SIPA1L3: variants seen among roughly 807,000 people sequenced by gnomAD.
SIPA1L3 encodes signal-induced proliferation-associated 1-like protein 3.
In SIPA1L3, 59 loss-of-function variants were observed where a neutral mutation model predicts 150.1. The observed-to-expected ratio is 0.39, with a 90% CI of 0.32 to 0.49. SIPA1L3 has a LOEUF of 0.49. Ranked by LOEUF, SIPA1L3 falls within the 20% of genes least tolerant of loss-of-function variation. The pLI is 0.86. For synonymous variants in SIPA1L3, 1,070 were observed against 1,077.6 expected (o/e 0.99, Z 0.14); for missense variants, 2,211 against 2,489.5 (o/e 0.89, Z 2.38).
At chr19:37,956,410 A>T (rs705500) in intron 1 of SIPA1L3, among the ~76,000 whole-genome samples, 42,998 of 150,938 alleles carry the variant, frequency 0.28, 7,281 homozygotes, top group East Asian at 0.62. Flanking sequence ...CACTCATCAG[A>T]TATGTAGTTT....
At chr19:37,975,000 A>G (rs1967041453) in intron 1 of SIPA1L3, among the ~76,000 whole-genome samples, 1 of 152,024 alleles carries the variant, frequency 6.6e-6, no homozygotes, top group Non-Finnish European at 1.5e-5. Context: ...ACATGGTGAA[A>G]CCCCACCTCT....
At chr19:38,174,202 G>A (rs976271839) in intron 15 of SIPA1L3, among the ~76,000 whole-genome samples, 2 of 152,136 alleles carry the variant, frequency 1.3e-5, no homozygotes, top group Non-Finnish European at 2.9e-5. Flanking sequence ...TGAATCTCTT[G>A]CCTAGACCCT....
intron 1 of SIPA1L3, among the ~76,000 whole-genome samples, chr19:37,929,353 G>C (rs1406322721): frequency 6.6e-6 from 1 of 152,216 alleles, no homozygotes; most frequent in Non-Finnish European, 1.5e-5. Context: ...GAAATAAGTG[G>C]AACACAGGGA....
chr19:38,169,271 C>G (rs1028094146), intron 15 of SIPA1L3, among the ~76,000 whole-genome samples: 1 of 152,078 alleles, frequency 6.6e-6, no homozygotes. Context: ...CGCCTGTGGT[C>G]CCAGCTATTC....
chr19:38,075,102 T>C (rs1173173076), intron 2 of SIPA1L3, among the ~76,000 whole-genome samples: 1 of 152,258 alleles, frequency 6.6e-6, no homozygotes, highest in African/African-American at 2.4e-5. Flanking sequence ...GGGTTGGAAC[T>C]GCGTGGATCT....
At chr19:38,159,749 T>C (rs1321015515) in intron 13 of SIPA1L3, among the ~76,000 whole-genome samples, 3 of 152,238 alleles carry the variant, frequency 2.0e-5, no homozygotes, top group African/African-American at 7.2e-5. Context: ...ATGCTCCTGA[T>C]ACCCACTTCA....
At chr19:37,917,546 GAGAGGTCACTTGCTCAAAGTTGGGA>G (rs2046423584) in intron 1 of SIPA1L3, among the ~76,000 whole-genome samples, 1 of 152,210 alleles carries the variant, frequency 6.6e-6, no homozygotes, top group African/African-American at 2.4e-5. Flanking sequence ...ATAAGGCAAT[GAGAGGTCACTTGCTCAAAGTTGGGA>G]AGTGGCAGAG....
intron 4 of SIPA1L3, among the ~76,000 whole-genome samples, chr19:38,094,443 A>G (rs1306979698): frequency 6.6e-6 from 1 of 152,076 alleles, no homozygotes; most frequent in Non-Finnish European, 1.5e-5. Context: ...TAGAGACAGA[A>G]TCTCACTATG....
chr19:38,032,390 G>A (rs183111284), intron 2 of SIPA1L3, among the ~76,000 whole-genome samples: 109 of 152,220 alleles, frequency 7.2e-4, no homozygotes, highest in African/African-American at 2.4e-3. Context: ...AACAGGTTTC[G>A]TTTGTTCATT....
intron 2 of SIPA1L3, among the ~76,000 whole-genome samples, chr19:38,065,521 T>A (rs1969553257): frequency 6.6e-6 from 1 of 151,670 alleles, no homozygotes; most frequent in South Asian, 2.1e-4. Flanking sequence ...GTTCAAGCAA[T>A]TCCTCCTGTC....
At chr19:38,128,515 G>A (rs1014162595) in intron 9 of SIPA1L3, among the ~76,000 whole-genome samples, 4 of 152,190 alleles carry the variant, frequency 2.6e-5, no homozygotes, top group Non-Finnish European at 5.9e-5. Flanking sequence ...CTGTGGGCAT[G>A]TGTGTAAAAC....
At chr19:38,150,054 G>A (rs1971783708) in intron 12 of SIPA1L3, among the ~76,000 whole-genome samples, 1 of 152,248 alleles carries the variant, frequency 6.6e-6, no homozygotes, top group South Asian at 2.1e-4. Flanking sequence ...AGCCAGGTGT[G>A]AAGTCAGCTA....
intron 1 of SIPA1L3, among the ~76,000 whole-genome samples, chr19:37,943,063 A>G (rs2046676968): frequency 1.8e-5 from 2 of 113,454 alleles, no homozygotes; most frequent in Admixed American, 2.4e-4. Context: ...TTGTAGAGAC[A>G]GGGTCTTGCT....
chr19:38,182,510 G>T lies in SIPA1L3; in HGVS notation c.4209-9G>T. ...GGTTTTTTTTATCTCTTTCATTTTT[G>T]CTTTGCAGTGACATGGGCTCGAGGG... On this transcript the variant is annotated splice_polypyrimidine_tract_variant and intron_variant, in intron 15 of 21. Coordinates refer to ENST00000222345, the MANE Select transcript of SIPA1L3 (RefSeq NM_015073.3). 1.9e-6 allele frequency: 3 copies of T among 1,576,856 alleles called. No individual in the cohort carries two copies. Among genetic ancestry groups the T allele is most frequent in the Admixed American group, 1.8e-5 (1 of 54,120 alleles).
At chr19:37,915,777 C>T (rs1048046029) in intron 1 of SIPA1L3, among the ~76,000 whole-genome samples, 1 of 152,180 alleles carries the variant, frequency 6.6e-6, no homozygotes, top group South Asian at 2.1e-4. Flanking sequence ...TGTAAGGGCC[C>T]CAGGTCCCTG....
At chr19:38,153,885 G>C (rs1463026600) in intron 13 of SIPA1L3, among the ~76,000 whole-genome samples, 2 of 150,590 alleles carry the variant, frequency 1.3e-5, no homozygotes. Flanking sequence ...AGTGAGCCGA[G>C]ATCGAGTCAC....
At chr19:38,177,233 C>T (rs1313813696) in intron 15 of SIPA1L3, among the ~76,000 whole-genome samples, 1 of 148,666 alleles carries the variant, frequency 6.7e-6, no homozygotes, top group Non-Finnish European at 1.5e-5. Context: ...TGGTGGTGGG[C>T]GCCTGTAGTC....
At chr19:38,103,813 A>T (rs1320916971) in intron 6 of SIPA1L3, among the ~76,000 whole-genome samples, 1 of 150,396 alleles carries the variant, frequency 6.6e-6, no homozygotes, top group Non-Finnish European at 1.5e-5. Flanking sequence ...GAGGCAGGAG[A>T]ATGGCGTGAA....
At chr19:37,994,612 T>C (rs1333740017) in intron 1 of SIPA1L3, among the ~76,000 whole-genome samples, 1 of 152,194 alleles carries the variant, frequency 6.6e-6, no homozygotes, top group Non-Finnish European at 1.5e-5. Flanking sequence ...TGAGGAAATA[T>C]ACCAAGTGTT....
Sources: allele counts gnomAD v4.1 joint callset (sites outside exome capture counted in the v4.1 genomes callset), GRCh38; gene constraint gnomAD v4.1.1; transcripts MANE v1.5; gene names NCBI Gene and HGNC (gene_info 2026-07-23, HGNC 2026-07-21).